GOLM1: variants seen among roughly 807,000 people sequenced by gnomAD.
The protein encoded by GOLM1 is golgi membrane protein 1, also known as epididymis luminal protein 46.
A neutral mutation model predicts 50.5 loss-of-function variants in GOLM1; 31 were observed. That is an observed-to-expected ratio of 0.61 (90% CI 0.46 to 0.83). The LOEUF is 0.83. Ranked by LOEUF, GOLM1 falls within the 40% of genes least tolerant of loss-of-function variation. The pLI is 0.00. For synonymous variants in GOLM1, 178 were observed against 192.8 expected (o/e 0.92, Z 0.64); for missense variants, 491 against 501.3 (o/e 0.98, Z 0.20).
intron 5 of GOLM1, among the ~76,000 whole-genome samples, chr9:86,045,422 C>T (rs1833505572): frequency 6.6e-6 from 1 of 152,082 alleles, no homozygotes; most frequent in African/African-American, 2.4e-5. Flanking sequence ...CCTGTAATCC[C>T]AGCACTTTGG....
chr9:86,030,218 C>CA (rs35215928), intron 9 of GOLM1, among the ~76,000 whole-genome samples: 1,012 of 72,914 alleles, frequency 0.014, 19 homozygotes, highest in East Asian at 0.058. Context: ...GACTCTGTCT[C>CA]AAAAAAAAAA....
chr9:86,049,554 T>TG, intron 4 of GOLM1, among the ~76,000 whole-genome samples: 1 of 152,298 alleles, frequency 6.6e-6, no homozygotes, highest in South Asian at 2.1e-4. Flanking sequence ...CATTGAGCAG[T>TG]GGTTTGTAGT....
Position 86,077,604 on chromosome 9 carries a change from C to A in GOLM1, c.130-13G>T, listed in dbSNP as rs1037334530. 6 of 1,608,206 alleles carry A rather than the reference C, an allele frequency of 3.7e-6. No individual in the cohort carries two copies. The highest frequency in any genetic ancestry group is 5.1e-6 in the Non-Finnish European group (6 of 1,175,688). ...CCATGATCCGTGTCTACAAGGAGACCGTGGCATTAGGGCTGATGCCAAGTT... is the reference window on the plus strand; with the variant it reads ...CCATGATCCGTGTCTACAAGGAGACAGTGGCATTAGGGCTGATGCCAAGTT... On this transcript the variant is annotated splice_polypyrimidine_tract_variant and intron_variant, in intron 2 of 9. Transcript: ENST00000388712.
rs1439031375 is a variant in GOLM1, at chr9:86,068,936, C to T, written c.309+8476G>A. Among the ~76,000 whole-genome samples the T allele has an allele frequency of 3.3e-5, 5 of 151,662 alleles. No individual in the cohort carries two copies. In the East Asian group the frequency reaches 9.7e-4, roughly 29 times the overall value. On this transcript the variant is annotated intron_variant, in intron 3 of 9. Coordinates refer to ENST00000388712, the MANE Select transcript of GOLM1 (RefSeq NM_016548.4). The stretch of plus-strand genomic sequence containing the variant: ...GTGTCTACTTACAAAGTGGTTGCCT[C>T]AACTAAGATAGTAAGGTACAATAAG...
At chr9:86,038,857 G>T (rs1435839543) in intron 6 of GOLM1, among the ~76,000 whole-genome samples, 2 of 152,084 alleles carry the variant, frequency 1.3e-5, no homozygotes, top group Non-Finnish European at 2.9e-5. Flanking sequence ...AGAAGAAAAT[G>T]TAACAGTAAA....
At chr9:86,069,053 C>G (rs1203904143) in intron 3 of GOLM1, among the ~76,000 whole-genome samples, 1 of 151,864 alleles carries the variant, frequency 6.6e-6, no homozygotes, top group Non-Finnish European at 1.5e-5. Context: ...TTATATTCTA[C>G]AATTTTCATG....
intron 3 of GOLM1, among the ~76,000 whole-genome samples, chr9:86,053,512 CCACACA>C (rs1833852155): frequency 1.9e-4 from 2 of 10,552 alleles, no homozygotes; most frequent in Non-Finnish European, 4.3e-4. Context: ...ACACACTGCT[CCACACA>C]ACACACCACT....
intron 3 of GOLM1, among the ~76,000 whole-genome samples, chr9:86,059,289 A>G (rs1834083796): frequency 2.0e-5 from 3 of 152,206 alleles, no homozygotes; most frequent in Non-Finnish European, 4.4e-5. Context: ...AGTGGTAACA[A>G]TCCAAATGTC....
chr9:86,037,983 C>A lies in GOLM1; in HGVS notation c.598-1476G>T, dbSNP rs574197763. 7.9e-5 allele frequency among the ~76,000 whole-genome samples: 12 copies of A among 151,858 alleles called. No individual in the cohort carries two copies. The East Asian group carries it at 2.3e-3, about 29-fold the overall frequency. On this transcript the variant is annotated intron_variant, in intron 6 of 9. Coordinates refer to ENST00000388712, the MANE Select transcript of GOLM1 (RefSeq NM_016548.4). Reference sequence around the variant, plus strand: ...CAGCTTGACCAACATGGAGAAACCCCGATATACTAAAAAATACAAAATTAG... The same window carrying A: ...CAGCTTGACCAACATGGAGAAACCCAGATATACTAAAAAATACAAAATTAG...
intron 3 of GOLM1, among the ~76,000 whole-genome samples, chr9:86,055,016 T>C (rs1833945932): frequency 6.6e-6 from 1 of 152,192 alleles, no homozygotes; most frequent in Non-Finnish European, 1.5e-5. Flanking sequence ...CTCTTCCTCC[T>C]CTGGGACCTT....
intron 3 of GOLM1, among the ~76,000 whole-genome samples, chr9:86,067,139 C>G (rs112036140): frequency 0.025 from 3,801 of 152,158 alleles, 176 homozygotes; most frequent in African/African-American, 0.086. Flanking sequence ...TTTCGCCATG[C>G]TGACTGAACT....
intron 1 of GOLM1, among the ~76,000 whole-genome samples, chr9:86,094,189 A>G (rs10868375): frequency 0.24 from 36,612 of 151,568 alleles, 7,496 homozygotes; most frequent in African/African-American, 0.54. Context: ...AAGTTTTACT[A>G]TACACTGCCA....
intron 1 of GOLM1, among the ~76,000 whole-genome samples, chr9:86,099,105 C>T (rs1044288313): frequency 2.6e-5 from 4 of 152,182 alleles, no homozygotes; most frequent in African/African-American, 9.6e-5. Flanking sequence ...AAGACAGGCC[C>T]CGCATCGCCT....
chr9:86,068,749 A>T lies in GOLM1; in HGVS notation c.309+8663T>A, dbSNP rs1834373555. 2.0e-5 allele frequency among the ~76,000 whole-genome samples: 3 copies of T among 152,248 alleles called. No homozygotes were observed. The South Asian group carries it at 6.2e-4, about 31-fold the overall frequency. ...TGGGGATAACCTGATATGCAGTAAC[A>T]GATAACAAAAACAACACGTGTGTCT... On this transcript the variant is annotated intron_variant, in intron 3 of 9. Transcript: ENST00000388712.
intron 1 of GOLM1, among the ~76,000 whole-genome samples, chr9:86,089,523 T>C (rs1360141524): frequency 2.0e-5 from 3 of 152,126 alleles, no homozygotes; most frequent in African/African-American, 7.2e-5. Context: ...CGACCTCTGA[T>C]ATCCTTTCTT....
rs139761240 is a variant in GOLM1 at position 86,089,728 on chromosome 9, A to G, written c.-22+9683T>C. ...ATGCTCCTTTAGCTCGGAGGAGTTT[A>G]TTACCCACCTTCTGAAGCCTACTTC... is the stretch of plus-strand genomic sequence containing the variant. On this transcript the variant is annotated intron_variant, in intron 1 of 9. Coordinates refer to ENST00000388712, the MANE Select transcript of GOLM1 (RefSeq NM_016548.4). Among the ~76,000 whole-genome samples, 643 of 151,984 alleles carry G rather than the reference A, an allele frequency of 4.2e-3. 7 individuals are homozygous for G. The highest frequency in any genetic ancestry group is 0.015 in the African/African-American group (621 of 41,486).
rs375193474 is a variant in GOLM1 at position 86,035,671 on chromosome 9, TAAAA to T, written c.758-50_758-47del. The T allele has an allele frequency of 3.3e-3, 2,883 of 868,606 alleles. 3 individuals are homozygous for T. The highest frequency in any genetic ancestry group is 0.018 in the African/African-American group (759 of 42,222). The allele number at this position is 868,606 out of a possible 1,614,324, so 53.8% of individuals were successfully genotyped here. On this transcript the variant is annotated intron_variant, in intron 7 of 9. Coordinates refer to ENST00000388712, the MANE Select transcript of GOLM1 (RefSeq NM_016548.4). ...GCTGTGACCTTGCCAGCATTTGATT[TAAAA>T]AAAAAAAAAAAAAAAAAAGCAAAAC...
intron 3 of GOLM1, among the ~76,000 whole-genome samples, chr9:86,058,245 T>C (rs1054579336): frequency 6.6e-6 from 1 of 152,162 alleles, no homozygotes; most frequent in African/African-American, 2.4e-5. Flanking sequence ...AATAGCCACA[T>C]TGAATTAAGT....
At chr9:86,040,631 C>T (rs1055505022) in intron 6 of GOLM1, 108 bp downstream of exon 6, 39 of 1,074,482 alleles carry the variant, frequency 3.6e-5, no homozygotes, top group Middle Eastern at 2.4e-4. Context: ...GAGCCAAGCC[C>T]GCAAAGGAGG....
Sources: gnomAD v4.1 joint callset for allele counts (sites outside exome capture counted in the v4.1 genomes callset) on GRCh38, gnomAD v4.1.1 for gene constraint, MANE v1.5 for transcripts, NCBI Gene and HGNC (gene_info 2026-07-23, HGNC 2026-07-21) for gene names.